B3GALNT1: variants seen among roughly 807,000 people sequenced by gnomAD.
The protein encoded by B3GALNT1 is beta-1,3-N-acetylgalactosaminyltransferase 1 (Globoside blood group), also known as UDP-GalNAc:beta-1,3-N-acetylgalactosaminyltransferase 1.
In B3GALNT1, 17 loss-of-function variants were observed where a neutral mutation model predicts 27.3. The observed-to-expected ratio is 0.62, with a 90% CI of 0.43 to 0.94. The LOEUF (loss-of-function observed/expected upper bound fraction) is 0.94, where lower values mean the gene tolerates loss of function less well. B3GALNT1 is among the 40% of genes least tolerant of loss of function. B3GALNT1 has a pLI of 0.00. For missense variants in B3GALNT1, 347 were observed against 390.0 expected (o/e 0.89, Z 0.93); for synonymous variants, 141 against 144.0 (o/e 0.98, Z 0.15).
intron 4 of B3GALNT1, among the ~76,000 whole-genome samples, chr3:161,089,681 A>G (rs1029570436): frequency 6.6e-6 from 1 of 152,218 alleles, no homozygotes; most frequent in Non-Finnish European, 1.5e-5. Flanking sequence ...GAAAAAATGC[A>G]TGCAAACACA....
chr3:161,098,088 C>G (rs947418953), intron 4 of B3GALNT1, among the ~76,000 whole-genome samples: 1 of 152,126 alleles, frequency 6.6e-6, no homozygotes, highest in Non-Finnish European at 1.5e-5. Context: ...AGCAATAGTC[C>G]TTGCTTGGTC....
chr3:161,097,623 G>A (rs948837423), intron 4 of B3GALNT1, among the ~76,000 whole-genome samples: 24 of 152,164 alleles, frequency 1.6e-4, no homozygotes, highest in Non-Finnish European at 2.9e-5. Context: ...ACATTTCTGG[G>A]TTCCGCCTCT....
chr3:161,094,191 C>T (rs1726857672), intron 4 of B3GALNT1, among the ~76,000 whole-genome samples: 1 of 152,178 alleles, frequency 6.6e-6, no homozygotes, highest in East Asian at 1.9e-4. Flanking sequence ...TGCTAAGGAG[C>T]TCTTCTGACC....
In B3GALNT1 at chr3:161,085,474, A is replaced by T; in HGVS notation, c.*285T>A. The T allele has an allele frequency of 2.4e-6, 1 of 415,914 alleles. No individual in the cohort carries two copies. The highest frequency in any genetic ancestry group is 2.9e-5 in the South Asian group (1 of 34,792). The allele number at this position is 415,914 out of a possible 1,614,324, so 25.8% of individuals were successfully genotyped here. ...TATAACTCAGTAACACCCTTTTAAG[A>T]AATTCTAGTCTACAGAATGACATGT... On this transcript the variant is annotated 3_prime_UTR_variant, in exon 5 of 5. Transcript: ENST00000320474.
At chr3:161,097,720 C>T (rs1396765543) in intron 4 of B3GALNT1, among the ~76,000 whole-genome samples, 2 of 152,194 alleles carry the variant, frequency 1.3e-5, no homozygotes, top group Non-Finnish European at 2.9e-5. Context: ...GAACCACTCA[C>T]ACTGTCAAAA....
At chr3:161,100,678 TG>T (rs959917504) in intron 4 of B3GALNT1, among the ~76,000 whole-genome samples, 3 of 152,190 alleles carry the variant, frequency 2.0e-5, no homozygotes, top group Admixed American at 2.0e-4. Context: ...GGGTTTGGGC[TG>T]AGAAAAATGA....
chr3:161,103,278 TC>T, intron 3 of B3GALNT1, 148 bp downstream of exon 3: 1 of 242,234 alleles, frequency 4.1e-6, no homozygotes, highest in South Asian at 4.6e-5. Flanking sequence ...CTCTTGAATT[TC>T]TTCAAATCCT....
chr3:161,098,765 A>T (rs568685519), intron 4 of B3GALNT1, among the ~76,000 whole-genome samples: 4 of 152,376 alleles, frequency 2.6e-5, no homozygotes, highest in African/African-American at 7.2e-5. Flanking sequence ...TATTCCAAAT[A>T]ACCCTGAATA....
intron 3 of B3GALNT1, among the ~76,000 whole-genome samples, chr3:161,101,635 G>T (rs1450028475): frequency 2.0e-5 from 3 of 152,136 alleles, no homozygotes; most frequent in Non-Finnish European, 2.9e-5. Flanking sequence ...GGCCCACCTA[G>T]AGAACATGGG....
In B3GALNT1 at chr3:161,086,005, C is replaced by T; in HGVS notation, c.750G>A (p.Val250=). 1 of 1,585,762 alleles carries T rather than the reference C, an allele frequency of 6.3e-7. No individual in the cohort carries two copies. The highest frequency in any genetic ancestry group is 1.4e-5 in the African/African-American group (1 of 73,862). ...GLGYIMSRDL[V]PRIYEMMGHV... ...GACCCATCATTTCATAGATCCTTGGCACCAAATCTCTGGACATTATATAAC... is the reference window on the plus strand; with the variant it reads ...GACCCATCATTTCATAGATCCTTGGTACCAAATCTCTGGACATTATATAAC... Residue 250 remains valine (V), a synonymous_variant, in exon 5 of 5, where the codon GTG becomes GTA. Transcript: ENST00000320474.
chr3:161,085,625 T>C lies in B3GALNT1; in HGVS notation c.*134A>G. The C allele has an allele frequency of 1.1e-6, 1 of 896,418 alleles. No homozygotes were observed. Among genetic ancestry groups the C allele is most frequent in the South Asian group, 1.4e-5 (1 of 70,336 alleles). 55.5% of individuals were successfully genotyped at this position (896,418 alleles called of 1,614,324 possible). ...ACAAGTGTAACCCTCCAGTCTCCAG[T>C]CTGGGTTTTTCATGAGTTTCAGTTC... is the stretch of plus-strand genomic sequence containing the variant. On this transcript the variant is annotated 3_prime_UTR_variant, in exon 5 of 5. Coordinates refer to ENST00000320474, the MANE Select transcript of B3GALNT1 (RefSeq NM_003781.4).
chr3:161,086,789 C>A lies in B3GALNT1; in HGVS notation c.-34-1G>T. 6.2e-7 allele frequency: 1 copy of A among 1,611,430 alleles called. No homozygotes were observed. Among genetic ancestry groups the A allele is most frequent in the South Asian group, 1.1e-5 (1 of 90,652 alleles). ...CTCAGAAGCACGCGAGCCGAAGGTTCTGGAAGAGTTATCAAAGATTGGGTT... is the reference window on the plus strand; with the variant it reads ...CTCAGAAGCACGCGAGCCGAAGGTTATGGAAGAGTTATCAAAGATTGGGTT... On this transcript the variant is annotated splice_acceptor_variant, in intron 4 of 4. Transcript: ENST00000320474. LOFTEE classifies it low-confidence loss of function (5UTR_SPLICE).
intron 4 of B3GALNT1, among the ~76,000 whole-genome samples, chr3:161,098,436 G>A (rs905936406): frequency 6.6e-5 from 10 of 152,116 alleles, no homozygotes; most frequent in African/African-American, 1.9e-4. Flanking sequence ...ACTTTTGGCC[G>A]GGCATGGTGG....
At chr3:161,100,153 C>A (rs747288644) in intron 4 of B3GALNT1, among the ~76,000 whole-genome samples, 4 of 152,176 alleles carry the variant, frequency 2.6e-5, no homozygotes, top group Non-Finnish European at 4.4e-5. Flanking sequence ...TAACAAACGT[C>A]GAAGGTCCCT....
chr3:161,104,898 G>C (rs1357031699), intron 1 of B3GALNT1: 4 of 152,572 alleles, frequency 2.6e-5, no homozygotes. Context: ...ATTGCACCCT[G>C]GGGCAAGGCA....
Position 161,086,806 on chromosome 3 carries a change from G to C in B3GALNT1, c.-34-18C>G, listed in dbSNP as rs1228743492. 5.6e-6 allele frequency: 9 copies of C among 1,603,556 alleles called. No homozygotes were observed. The highest frequency in any genetic ancestry group is 7.7e-6 in the Non-Finnish European group (9 of 1,174,772). On this transcript the variant is annotated intron_variant, in intron 4 of 4. Transcript: ENST00000320474. ...CGAAGGTTCTGGAAGAGTTATCAAA[G>C]ATTGGGTTAATATTCCACACCGAAA... is the stretch of plus-strand genomic sequence containing the variant.
chr3:161,085,619 C>T lies in B3GALNT1; in HGVS notation c.*140G>A. ...TAAATCACAAGTGTAACCCTCCAGT[C>T]TCCAGTCTGGGTTTTTCATGAGTTT... On this transcript the variant is annotated 3_prime_UTR_variant, in exon 5 of 5. Transcript: ENST00000320474. 2 of 844,214 alleles carry T rather than the reference C, an allele frequency of 2.4e-6. No homozygotes were observed. Among genetic ancestry groups the T allele is most frequent in the South Asian group, 1.5e-5 (1 of 67,864 alleles). 52.3% of individuals were successfully genotyped at this position (844,214 alleles called of 1,614,324 possible).
chr3:161,098,063 T>C (rs938792836), intron 4 of B3GALNT1, among the ~76,000 whole-genome samples: 7 of 152,216 alleles, frequency 4.6e-5, no homozygotes, highest in Non-Finnish European at 1.0e-4. Flanking sequence ...CATACTCCCC[T>C]CTCTCCAAAA....
intron 2 of B3GALNT1, 56 bp from the exon 3 acceptor site, chr3:161,103,573 A>G (rs1732590835): frequency 2.9e-6 from 2 of 678,092 alleles, no homozygotes; most frequent in Admixed American, 6.8e-5. Context: ...GAATTATGAC[A>G]TCTAAAATCA....
Sources: allele counts gnomAD v4.1 joint callset (sites outside exome capture counted in the v4.1 genomes callset), GRCh38; gene constraint gnomAD v4.1.1; transcripts MANE v1.5; gene names NCBI Gene and HGNC (gene_info 2026-07-23, HGNC 2026-07-21).